GPAT3: variants seen among roughly 807,000 people sequenced by gnomAD.
The protein encoded by GPAT3 is glycerol-3-phosphate acyltransferase 3, also known as 1-AGP acyltransferase 9.
A neutral mutation model predicts 58.8 loss-of-function variants in GPAT3; 53 were observed. The ratio of observed to expected loss-of-function variants is 0.90; its 90% confidence interval spans 0.72 to 1.13. The LOEUF (loss-of-function observed/expected upper bound fraction) is 1.13, where lower values mean the gene tolerates loss of function less well. Ranked by LOEUF, GPAT3 falls within the 50% of genes most tolerant of loss-of-function variation. The pLI is 0.00. For synonymous variants in GPAT3, 197 were observed against 187.4 expected (o/e 1.05, Z -0.42); for missense variants, 511 against 527.6 (o/e 0.97, Z 0.31).
intron 1 of GPAT3, among the ~76,000 whole-genome samples, chr4:83,540,350 A>G (rs1194822722): frequency 6.6e-6 from 1 of 152,142 alleles, no homozygotes; most frequent in African/African-American, 2.4e-5. Flanking sequence ...CTTTAGGACC[A>G]TTTCGCTGAC....
chr4:83,553,481 G>A (rs28489775), intron 2 of GPAT3, among the ~76,000 whole-genome samples: 4,832 of 152,224 alleles, frequency 0.032, 277 homozygotes, highest in African/African-American at 0.11. Flanking sequence ...CTCTAGCACT[G>A]ACTGCTGAAG....
At chr4:83,565,842 G>A (rs1256956735) in intron 2 of GPAT3, among the ~76,000 whole-genome samples, 2 of 152,198 alleles carry the variant, frequency 1.3e-5, no homozygotes, top group Admixed American at 6.5e-5. Flanking sequence ...GTTTACAAGC[G>A]CTTTGTTCTT....
At chr4:83,576,013 C>T (rs1040654843) in intron 2 of GPAT3, among the ~76,000 whole-genome samples, 2 of 152,164 alleles carry the variant, frequency 1.3e-5, no homozygotes, top group African/African-American at 2.4e-5. Context: ...TTTCATACTT[C>T]CCTTACATAT....
intron 2 of GPAT3, among the ~76,000 whole-genome samples, chr4:83,554,009 G>A (rs1208785460): frequency 6.6e-6 from 1 of 151,822 alleles, no homozygotes; most frequent in Non-Finnish European, 1.5e-5. Context: ...TTTATTTAGG[G>A]AGACAGGGTC....
At chr4:83,547,853 CTTT>C (rs10536598) in intron 2 of GPAT3, among the ~76,000 whole-genome samples, 427 of 133,332 alleles carry the variant, frequency 3.2e-3, no homozygotes, top group Middle Eastern at 3.9e-3. Context: ...TTCTTCTTCC[CTTT>C]TTTTTTTTTT....
At chr4:83,553,879 AAAAT>A (rs954920017) in intron 2 of GPAT3, among the ~76,000 whole-genome samples, 5 of 152,060 alleles carry the variant, frequency 3.3e-5, no homozygotes, top group Admixed American at 2.6e-4. Flanking sequence ...CCTGTCTCAA[AAAAT>A]AAATAAATAA....
At chr4:83,581,427 C>A in intron 2 of GPAT3, 135 bp from the exon 3 acceptor site, 2 of 916,914 alleles carry the variant, frequency 2.2e-6, no homozygotes, top group Non-Finnish European at 3.3e-6. Flanking sequence ...TCTCTTACTT[C>A]TGAAGATGGC....
At position 83,536,121 on chromosome 4, in the gene GPAT3, G is replaced by C; in HGVS notation, c.-502G>C. 1.1e-5 allele frequency: 11 copies of C among 985,872 alleles called. No individual in the cohort carries two copies. Among genetic ancestry groups the C allele is most frequent in the Non-Finnish European group, 1.3e-5 (11 of 830,204 alleles). The allele number at this position is 985,872 out of a possible 1,614,324, so 61.1% of individuals were successfully genotyped here. On this transcript the variant is annotated 5_prime_UTR_variant, in exon 1 of 12. Coordinates refer to ENST00000264409, the MANE Select transcript of GPAT3 (RefSeq NM_032717.5). ...CCGAGCGCAGCCAGCTTCCAGCACA[G>C]CCCGCGGCCCGGTGCCAGCTCCGCC...
chr4:83,604,838 G>T lies in GPAT3; in HGVS notation c.*71G>T. On this transcript the variant is annotated 3_prime_UTR_variant, in exon 12 of 12. Transcript: ENST00000264409. The stretch of plus-strand genomic sequence containing the variant: ...GGAATGGCTTTTTTTGTTTTGTTTT[G>T]TTTTATTGTTTTGTTTTTATTATTG... 2.5e-6 allele frequency: 3 copies of T among 1,206,806 alleles called. No individual in the cohort carries two copies. The highest frequency in any genetic ancestry group is 3.5e-6 in the Non-Finnish European group (3 of 848,100). 74.8% of individuals were successfully genotyped at this position (1,206,806 alleles called of 1,614,324 possible).
At chr4:83,574,624 ATTTTTTTTTTTTTTTTTTTTTTTTTTTT>A (rs561972057) in intron 2 of GPAT3, among the ~76,000 whole-genome samples, 10,200 of 55,246 alleles carry the variant, frequency 0.18, 820 homozygotes, top group East Asian at 0.27. Context: ...AGTAAAATGA[ATTTTTTTTTTTTTTTTTTTTTTTTTTTT>A]TTTTTTTTTT....
chr4:83,587,196 T>A (rs897274656), intron 3 of GPAT3, 59 bp from the exon 4 acceptor site: 1 of 1,382,984 alleles, frequency 7.2e-7, no homozygotes, highest in Non-Finnish European at 1.0e-6. Flanking sequence ...TTAGGAACTT[T>A]TTGGTTACTT....
chr4:83,596,726 T>C, intron 7 of GPAT3, 132 bp from the exon 8 acceptor site: 1 of 689,892 alleles, frequency 1.4e-6, no homozygotes, highest in Non-Finnish European at 2.5e-6. Flanking sequence ...CAAATTTATT[T>C]CTTTTACCTG....
chr4:83,568,716 C>G (rs962095843), intron 2 of GPAT3, among the ~76,000 whole-genome samples: 1 of 151,980 alleles, frequency 6.6e-6, no homozygotes, highest in African/African-American at 2.4e-5. Flanking sequence ...ACCATGTTAA[C>G]CAGGATAGGC....
In GPAT3 at chr4:83,536,471, A is replaced by C. The variant is rs1470452873; in HGVS notation, c.-152A>C. ...AAGGAAGGATATTGCCGTAATTCTG[A>C]AAGTTTTTTTCCTTCCTCTCTTCCC... On this transcript the variant is annotated 5_prime_UTR_variant, in exon 1 of 12. Transcript: ENST00000264409. 9 of 1,456,158 alleles carry C rather than the reference A, an allele frequency of 6.2e-6. No homozygotes were observed. Among genetic ancestry groups the C allele is most frequent in the East Asian group, 2.4e-5 (1 of 41,648 alleles). The allele number at this position is 1,456,158 out of a possible 1,614,324, so 90.2% of individuals were successfully genotyped here.
rs753463724 is a variant in GPAT3, at chr4:83,598,169, T to G, written c.1115T>G (p.Met372Arg). Residue 372 changes from methionine (M) to arginine (R), a missense_variant, in exon 10 of 12, where the codon ATG becomes AGG. Met to Arg is a moderately conservative substitution (Grantham distance 91). Transcript: ENST00000264409. ...IVCDVWYMPP[M>R]TREEGEDAVQ... ...TGTGACGTGTGGTACATGCCCCCCA[T>G]GACCAGAGAGGTATTCCTTAGCTAA... 6.2e-7 allele frequency: 1 copy of G among 1,612,998 alleles called. No individual in the cohort carries two copies. The highest frequency in any genetic ancestry group is 1.7e-4 in the Middle Eastern group (1 of 6,052).
rs1335740204 is a variant in GPAT3 at position 83,536,554 on chromosome 4, C to T, written c.-69C>T. ...GCTCCTGGAGCTCCCGCGGGACTGC[C>T]TGGGGACAGGGACTGCTGTGGCGCT... On this transcript the variant is annotated 5_prime_UTR_variant, in exon 1 of 12. Coordinates refer to ENST00000264409, the MANE Select transcript of GPAT3 (RefSeq NM_032717.5). 1.3e-6 allele frequency: 2 copies of T among 1,562,268 alleles called. No individual in the cohort carries two copies. Among genetic ancestry groups the T allele is most frequent in the African/African-American group, 1.4e-5 (1 of 73,908 alleles).
intron 2 of GPAT3, among the ~76,000 whole-genome samples, chr4:83,562,199 A>AC (rs5859879): frequency 2.8e-5 from 1 of 36,046 alleles, no homozygotes; most frequent in Non-Finnish European, 6.0e-5. Flanking sequence ...ATATATATAT[A>AC]ATATATATAT....
chr4:83,546,914 C>T (rs1724541287), intron 2 of GPAT3, among the ~76,000 whole-genome samples: 1 of 152,118 alleles, frequency 6.6e-6, no homozygotes, highest in African/African-American at 2.4e-5. Flanking sequence ...GTACTTAGTA[C>T]CAGGGGTATT....
chr4:83,585,158 G>T (rs1481948206), intron 3 of GPAT3, among the ~76,000 whole-genome samples: 1 of 152,010 alleles, frequency 6.6e-6, no homozygotes, highest in Non-Finnish European at 1.5e-5. Flanking sequence ...CAAGAAAAAA[G>T]AACCTGACCT....
Sources: gnomAD v4.1 joint callset for allele counts (sites outside exome capture counted in the v4.1 genomes callset) on GRCh38, gnomAD v4.1.1 for gene constraint, MANE v1.5 for transcripts, NCBI Gene and HGNC (gene_info 2026-07-23, HGNC 2026-07-21) for gene names.